The following PTPA variants were observed in gnomAD, a reference collection of about 807,000 sequenced individuals.
PTPA encodes serine/threonine-protein phosphatase 2A activator.
A neutral mutation model predicts 43.6 loss-of-function variants in PTPA; 13 were observed. That is an observed-to-expected ratio of 0.30 (90% CI 0.19 to 0.47). The LOEUF is 0.47. Among genes scored for constraint, PTPA ranks in the 20% least tolerant of loss-of-function variants. The pLI is 0.99. For missense variants in PTPA, 329 were observed against 411.9 expected, an observed-to-expected ratio of 0.80 and a Z score of 1.74; for synonymous variants, 172 against 158.2, an observed-to-expected ratio of 1.09 and a Z score of -0.66.
At chr9:129,121,040 C>A (rs953580887) in intron 2 of PTPA, among the ~76,000 whole-genome samples, 1 of 152,216 alleles carries the variant, frequency 6.6e-6, no homozygotes, top group African/African-American at 2.4e-5. Context: ...CCTGCAAATA[C>A]CTGGGAGCTG....
At chr9:129,134,235 G>A (rs892564747) in intron 5 of PTPA, among the ~76,000 whole-genome samples, 5 of 148,986 alleles carry the variant, frequency 3.4e-5, no homozygotes, top group South Asian at 2.1e-4. Context: ...TTAAACCTAC[G>A]TAATGAAATG....
At position 129,144,756 on chromosome 9, in the gene PTPA, G is replaced by A. The variant is rs369273767; in HGVS notation, c.894+2204G>A. On this transcript the variant is annotated intron_variant, in intron 9 of 9. Transcript: ENST00000393370. ...TCTCTCAAAAAAAAAAAAAAAAAAA[G>A]ATCACCAAGTCTTTGCCTGTAATCC... Among the ~76,000 whole-genome samples, 623 of 120,794 alleles carry A rather than the reference G, an allele frequency of 5.2e-3. 7 individuals are homozygous for A. Among genetic ancestry groups the A allele is most frequent in the African/African-American group, 0.018 (576 of 32,444 alleles). The allele number at this position is 120,794 out of a possible 152,430, so 79.2% of individuals were successfully genotyped here.
rs1301769286 is a variant in PTPA, at chr9:129,111,640, G to C, written c.31+9G>C. 7.8e-7 allele frequency: 1 copy of C among 1,279,890 alleles called. No individual in the cohort carries two copies. The highest frequency in any genetic ancestry group is 9.9e-7 in the Non-Finnish European group (1 of 1,005,484). 79.3% of individuals were successfully genotyped at this position (1,279,890 alleles called of 1,614,324 possible). A position where few individuals can be genotyped will look rare whatever the true frequency, so the allele number is the denominator to read the frequency against. On this transcript the variant is annotated intron_variant, in intron 1 of 9. Transcript: ENST00000393370. Reference sequence around the variant, plus strand: ...GCGGCAGCCGCCGCCAGGTAAGGCCGGCGGGGCCAGGCCGGGCCGGGGTCG... The same window carrying C: ...GCGGCAGCCGCCGCCAGGTAAGGCCCGCGGGGCCAGGCCGGGCCGGGGTCG...
Position 129,123,079 on chromosome 9 carries a change from C to T in PTPA, c.157C>T (p.Leu53Phe), listed in dbSNP as rs149371076. ...ATACGCTGACTACATCGGATTCATC[C>T]TTACCCTCAACGAAGGTGTGAAGGG... ...QAYADYIGFI[L>F]TLNEGVKGKK... The change falls in exon 3 of 10, where the codon CTT becomes TTT. Residue 53 changes from leucine (L) to phenylalanine (F), a missense_variant. Transcript: ENST00000393370. 2.5e-5 allele frequency: 41 copies of T among 1,612,064 alleles called. No individual in the cohort carries two copies. The African/African-American group carries it at 4.8e-4, about 19-fold the overall frequency.
rs1403043968 is a variant in PTPA, at chr9:129,128,889, C to G, written c.217-96C>G. The G allele has an allele frequency of 7.3e-6, 11 of 1,499,182 alleles. No individual in the cohort carries two copies. In the African/African-American group the frequency reaches 1.4e-4, roughly 19 times the overall value. The allele number at this position is 1,499,182 out of a possible 1,614,324, so 92.9% of individuals were successfully genotyped here. ...GGGAGAGTTCCCAGTAGGGGCCATGCCAAGGGGTCATTGTCTGGCAGCAGT... is the reference window on the plus strand; with the variant it reads ...GGGAGAGTTCCCAGTAGGGGCCATGGCAAGGGGTCATTGTCTGGCAGCAGT... On this transcript the variant is annotated intron_variant, in intron 3 of 9. Coordinates refer to ENST00000393370, the MANE Select transcript of PTPA (RefSeq NM_178000.3).
At chr9:129,113,261 T>G (rs1447786599) in intron 1 of PTPA, among the ~76,000 whole-genome samples, 3 of 151,748 alleles carry the variant, frequency 2.0e-5, no homozygotes. Context: ...CTGGCTAATT[T>G]TTGTATTTTT....
chr9:129,148,222 G>GC lies in PTPA; in HGVS notation c.*759dup, dbSNP rs1851422345. On this transcript the variant is annotated 3_prime_UTR_variant, in exon 10 of 10. Coordinates refer to ENST00000393370, the MANE Select transcript of PTPA (RefSeq NM_178000.3). Reference sequence around the variant, plus strand: ...AAGCTGCCCTTTGGGTAGGTGCTGGGCTCCTGGGAGGGCCCAGATGATGGG... The same window carrying GC: ...AAGCTGCCCTTTGGGTAGGTGCTGGGCCTCCTGGGAGGGCCCAGATGATGGG... The GC allele has an allele frequency of 6.6e-6, 1 of 152,406 alleles. No homozygotes were observed. The allele number at this position is 152,406 out of a possible 1,614,324, so 9.4% of individuals were successfully genotyped here.
chr9:129,131,781 GT>G, intron 5 of PTPA, 142 bp downstream of exon 5: 1 of 819,498 alleles, frequency 1.2e-6, no homozygotes, highest in Non-Finnish European at 2.0e-6. Flanking sequence ...GCCAGCTGGG[GT>G]TAGGGTGGCT....
chr9:129,117,921 A>T (rs1298760037), intron 1 of PTPA, among the ~76,000 whole-genome samples: 1 of 149,184 alleles, frequency 6.7e-6, no homozygotes, highest in African/African-American at 2.5e-5. Context: ...CTGGTCTGGA[A>T]CTCCTGACCT....
At chr9:129,146,107 G>A (rs534834286) in intron 9 of PTPA, among the ~76,000 whole-genome samples, 1 of 151,358 alleles carries the variant, frequency 6.6e-6, no homozygotes, top group African/African-American at 2.4e-5. Context: ...GGGCCCTTGG[G>A]GGGTGGGGGG....
intron 1 of PTPA, among the ~76,000 whole-genome samples, chr9:129,113,589 G>C (rs1390152529): frequency 6.6e-6 from 1 of 151,746 alleles, no homozygotes; most frequent in Non-Finnish European, 1.5e-5. Context: ...GGCCAACATG[G>C]CAAAACCCCG....
intron 9 of PTPA, 67 bp downstream of exon 9, chr9:129,142,619 A>G: frequency 6.3e-7 from 1 of 1,598,270 alleles, no homozygotes; most frequent in Non-Finnish European, 8.5e-7. Flanking sequence ...GGGACAAAGC[A>G]AAAGATGTGG....
At chr9:129,130,778 G>A (rs1038111071) in intron 4 of PTPA, among the ~76,000 whole-genome samples, 2 of 152,172 alleles carry the variant, frequency 1.3e-5, no homozygotes, top group Non-Finnish European at 2.9e-5. Flanking sequence ...CACCACTCAT[G>A]CCAAGTTTTT....
chr9:129,133,787 T>C (rs1485870172), intron 5 of PTPA, among the ~76,000 whole-genome samples: 1 of 152,248 alleles, frequency 6.6e-6, no homozygotes, highest in East Asian at 1.9e-4. Flanking sequence ...CTCCTGTCAT[T>C]ACACGTTCTC....
chr9:129,131,175 A>T (rs1849940060), intron 4 of PTPA, among the ~76,000 whole-genome samples: 1 of 152,174 alleles, frequency 6.6e-6, no homozygotes, highest in African/African-American at 2.4e-5. Flanking sequence ...TGAGAGTGTG[A>T]AGGAAGGTGG....
intron 9 of PTPA, chr9:129,142,832 G>A: frequency 6.5e-7 from 1 of 1,532,628 alleles, no homozygotes; most frequent in Non-Finnish European, 8.7e-7. Context: ...CATGGGGAGT[G>A]GGGGCGATGG....
chr9:129,128,074 TATC>T (rs1241973605), intron 3 of PTPA: 1 of 1,321,600 alleles, frequency 7.6e-7, no homozygotes, highest in African/African-American at 1.5e-5. Context: ...CGGAGGTATT[TATC>T]ATCAGCCCCA....
At position 129,131,575 on chromosome 9, in the gene PTPA, G is replaced by A; in HGVS notation, c.396G>A (p.Val132=). The A allele has an allele frequency of 6.2e-7, 1 of 1,614,156 alleles. No homozygotes were observed. Among genetic ancestry groups the A allele is most frequent in the Non-Finnish European group, 8.5e-7 (1 of 1,180,044 alleles). Residue 132 remains valine (V), a synonymous_variant, in exon 5 of 10, where the codon GTG becomes GTA. Transcript: ENST00000393370. ...TCCCTACCCATCTGGCAGCTGCTGT[G>A]CCTGAGGTGGCTGTTTACCTAAAGG... The part of the protein sequence containing the change: ...TVVPTHLAAA[V]PEVAVYLKES...
chr9:129,141,029 GC>G (rs886299502), intron 8 of PTPA, among the ~76,000 whole-genome samples: 67 of 152,136 alleles, frequency 4.4e-4, no homozygotes, highest in African/African-American at 1.5e-3. Flanking sequence ...CTGTGGTGGA[GC>G]CTGGGAGAGA....
Sources: gnomAD v4.1 joint callset for allele counts (sites outside exome capture counted in the v4.1 genomes callset) on GRCh38, gnomAD v4.1.1 for gene constraint, MANE v1.5 for transcripts, NCBI Gene and HGNC (gene_info 2026-07-23, HGNC 2026-07-21) for gene names.